Variants in CELF2 observed in about 807,000 individuals in gnomAD.
The protein encoded by CELF2 is CUGBP Elav-like family member 2.
In CELF2, 8 loss-of-function variants were observed where a neutral mutation model predicts 62.6. The ratio of observed to expected loss-of-function variants is 0.13; its 90% CI spans 0.07 to 0.23. The LOEUF (loss-of-function observed/expected upper bound fraction) is 0.23, where lower values mean the gene tolerates loss of function less well. Among genes scored for constraint, CELF2 ranks in the 10% least tolerant of loss-of-function variants. The probability of loss-of-function intolerance (pLI) is 1.00; values close to 1 mark genes in which losing one functional copy is unlikely to be tolerated. For missense variants in CELF2, 333 were observed against 671.0 expected (o/e 0.50, Z 5.56); for synonymous variants, 258 against 250.0 (o/e 1.03, Z -0.30).
At chr10:11,084,062 G>T (rs2074748887) in intron 1 of CELF2, among the ~76,000 whole-genome samples, 1 of 152,040 alleles carries the variant, frequency 6.6e-6, no homozygotes, top group Non-Finnish European at 1.5e-5. Flanking sequence ...GGTTGCCAGT[G>T]GTCTGAGCAA....
upstream of CELF2, among the ~76,000 whole-genome samples, chr10:11,003,459 T>C (rs2054724995): frequency 1.3e-5 from 2 of 152,358 alleles, no homozygotes; most frequent in South Asian, 2.1e-4. The surrounding 1 kb of genome is among the most constrained non-coding windows in gnomAD (Gnocchi z 4.4). Context: ...TTTACTTTTC[T>C]CTAATGGACA....
At chr10:10,660,261 C>T in the CELF2 span, among the ~76,000 whole-genome samples, 1 of 152,204 alleles carries the variant, frequency 6.6e-6, no homozygotes, top group African/African-American at 2.4e-5. Flanking sequence ...TGTATGATGT[C>T]ATAGCAACAT....
intron 2 of CELF2, among the ~76,000 whole-genome samples, chr10:10,951,295 C>A (rs767402947): frequency 2.6e-5 from 4 of 152,096 alleles, no homozygotes; most frequent in Non-Finnish European, 4.4e-5. Flanking sequence ...AGGCATGCAC[C>A]ACCACACCCA....
intron 1 of CELF2, among the ~76,000 whole-genome samples, chr10:11,021,522 C>A (rs113923855): frequency 0.011 from 1,636 of 152,264 alleles, 34 homozygotes; most frequent in African/African-American, 0.037. Context: ...GTTAGAGGGG[C>A]AGTGTGACGA....
At chr10:10,661,072 G>A in the CELF2 span, among the ~76,000 whole-genome samples, 1 of 152,184 alleles carries the variant, frequency 6.6e-6, no homozygotes, top group East Asian at 1.9e-4. Flanking sequence ...ACAGTGAGAT[G>A]CTCAGATCTT....
intron 2 of CELF2, among the ~76,000 whole-genome samples, chr10:10,945,358 T>C (rs2047541653): frequency 6.6e-6 from 1 of 152,104 alleles, no homozygotes; most frequent in Admixed American, 6.5e-5. Context: ...GAGTACCTGC[T>C]CTCGGCCAGA....
At chr10:11,038,589 TAATC>T (rs1464853555) in intron 1 of CELF2, among the ~76,000 whole-genome samples, 1 of 152,202 alleles carries the variant, frequency 6.6e-6, no homozygotes, top group Non-Finnish European at 1.5e-5. Context: ...TTTCTATTAA[TAATC>T]AACTACTATG....
At chr10:11,089,845 A>T (rs572735856) in intron 1 of CELF2, among the ~76,000 whole-genome samples, 42 of 152,326 alleles carry the variant, frequency 2.8e-4, no homozygotes, top group Admixed American at 4.6e-4. Context: ...GTTGCCATAA[A>T]AAAAAGCATG....
the CELF2 span, among the ~76,000 whole-genome samples, chr10:10,476,031 T>G: frequency 3.9e-5 from 6 of 151,956 alleles, no homozygotes; most frequent in Non-Finnish European, 5.9e-5. Flanking sequence ...GACTGCTGGG[T>G]TTTTGTTCTC....
chr10:11,232,174 G>A (rs987539992), intron 3 of CELF2, among the ~76,000 whole-genome samples: 1 of 151,784 alleles, frequency 6.6e-6, no homozygotes, highest in African/African-American at 2.4e-5. Flanking sequence ...CCCGGTGTGT[G>A]ATGTTCCCCT....
At chr10:11,058,370 T>C (rs1187695299) in intron 1 of CELF2, among the ~76,000 whole-genome samples, 2 of 152,134 alleles carry the variant, frequency 1.3e-5, no homozygotes, top group African/African-American at 4.8e-5. Flanking sequence ...TTAAGAGTTT[T>C]ATCTTAACTT....
At chr10:10,656,867 A>C in the CELF2 span, among the ~76,000 whole-genome samples, 1 of 151,554 alleles carries the variant, frequency 6.6e-6, no homozygotes, top group African/African-American at 2.4e-5. Context: ...AACTTAAAGT[A>C]TAATTAAAAA....
At chr10:11,279,112 G>A (rs1288023159) in intron 8 of CELF2, among the ~76,000 whole-genome samples, 1 of 152,134 alleles carries the variant, frequency 6.6e-6, no homozygotes, top group East Asian at 1.9e-4. Flanking sequence ...CTTTTTAGGG[G>A]GGATTTTTTT....
chr10:10,510,557 C>T, the CELF2 span, among the ~76,000 whole-genome samples: 1 of 152,204 alleles, frequency 6.6e-6, no homozygotes, highest in Non-Finnish European at 1.5e-5. Context: ...TTCATTCATT[C>T]ATCAAATACT....
At chr10:10,648,616 C>T in the CELF2 span, among the ~76,000 whole-genome samples, 227 of 152,306 alleles carry the variant, frequency 1.5e-3, no homozygotes, top group Middle Eastern at 6.8e-3. Flanking sequence ...GGCTCTATGT[C>T]ATGATAGATC....
chr10:10,699,403 T>G, the CELF2 span, among the ~76,000 whole-genome samples: 9 of 152,218 alleles, frequency 5.9e-5, no homozygotes, highest in African/African-American at 2.2e-4. Context: ...ATATCAATGG[T>G]GAGCAATTCA....
chr10:10,604,694 TG>T, the CELF2 span, among the ~76,000 whole-genome samples: 19,649 of 152,266 alleles, frequency 0.13, 1,550 homozygotes, highest in Non-Finnish European at 0.18. Flanking sequence ...AATCAGATAA[TG>T]GGAAAAAGCA....
At chr10:10,631,349 G>A in the CELF2 span, among the ~76,000 whole-genome samples, 9 of 152,320 alleles carry the variant, frequency 5.9e-5, no homozygotes, top group East Asian at 1.5e-3. Context: ...TGCAGGCATG[G>A]AGGTGACCTG....
chr10:10,807,994 A>G (rs1270844686), intron 1 of CELF2, among the ~76,000 whole-genome samples: 1 of 152,224 alleles, frequency 6.6e-6, no homozygotes, highest in African/African-American at 2.4e-5. Context: ...TGTTAAAGAC[A>G]AAGTTCTGTG....
Sources: gnomAD v4.1 joint callset for allele counts (sites outside exome capture counted in the v4.1 genomes callset) on GRCh38, gnomAD v4.1.1 for gene constraint, Gnocchi (gnomAD v3.1) non-coding constraint, MANE v1.5 for transcripts, NCBI Gene and HGNC (gene_info 2026-07-23, HGNC 2026-07-21) for gene names.